The following PNPT1 variants were observed in gnomAD, a reference collection of about 807,000 sequenced individuals.
PNPT1 encodes polyribonucleotide nucleotidyltransferase 1.
Under a neutral mutation model 119.5 loss-of-function variants are expected in PNPT1, and 53 were observed. That is an observed-to-expected ratio of 0.44 (90% CI 0.36 to 0.56). PNPT1 has a LOEUF of 0.56. Among genes scored for constraint, PNPT1 ranks in the 20% least tolerant of loss-of-function variants. PNPT1 has a pLI of 0.00. For synonymous variants in PNPT1, 357 were observed against 322.1 expected (o/e 1.11, Z -1.16); for missense variants, 948 against 938.5 (o/e 1.01, Z -0.13).
chr2:55,649,196 T>C (rs1696094959), intron 18 of PNPT1, among the ~76,000 whole-genome samples: 2 of 152,174 alleles, frequency 1.3e-5, no homozygotes, highest in Admixed American at 6.5e-5. Context: ...CCCAACGCTT[T>C]GGCAGGCCAA....
chr2:55,686,136 ATCT>A (rs932744648), intron 3 of PNPT1, among the ~76,000 whole-genome samples: 7 of 152,202 alleles, frequency 4.6e-5, no homozygotes, highest in African/African-American at 9.7e-5. Flanking sequence ...TGCACTTCCA[ATCT>A]TCTTGTCAAC....
intron 18 of PNPT1, among the ~76,000 whole-genome samples, chr2:55,650,623 A>AGATT (rs1696147095): frequency 6.6e-6 from 1 of 150,874 alleles, no homozygotes; most frequent in South Asian, 2.1e-4. Context: ...GGAAGTGAGG[A>AGATT]GCGTCTCTGC....
chr2:55,680,796 T>C, intron 6 of PNPT1, 37 bp from the exon 7 acceptor site: 1 of 1,612,276 alleles, frequency 6.2e-7, no homozygotes, highest in African/African-American at 1.3e-5. Flanking sequence ...GAAATTAAAA[T>C]TTCATTGCTT....
chr2:55,640,790 G>A lies in PNPT1; in HGVS notation c.2070-85C>T, dbSNP rs370853356. 1.6e-5 allele frequency: 15 copies of A among 965,282 alleles called. No individual in the cohort carries two copies. The East Asian group carries it at 2.0e-4, about 13-fold the overall frequency. 59.8% of individuals were successfully genotyped at this position (965,282 alleles called of 1,614,324 possible). A position where few individuals can be genotyped will look rare whatever the true frequency, so the allele number is the denominator to read the frequency against. ...AAATAAAACATTGTTTTCATATGAG[G>A]AAAAAGTAAAAAACGAAAAGAAACA... On this transcript the variant is annotated intron_variant, in intron 25 of 27. Coordinates refer to ENST00000447944, the MANE Select transcript of PNPT1 (RefSeq NM_033109.5).
In PNPT1 at chr2:55,683,854, C is replaced by T. The variant is rs760134712; in HGVS notation, c.404-20G>A. ...AACGATCTGCCAAAAGAAAAAAAAA[C>T]ACATTAAACCGTACTGACAGAGTTG... is the stretch of plus-strand genomic sequence containing the variant. On this transcript the variant is annotated intron_variant, in intron 4 of 27. Transcript: ENST00000447944. 11 of 1,606,384 alleles carry T rather than the reference C, an allele frequency of 6.8e-6. No individual in the cohort carries two copies. In the Admixed American group the frequency reaches 1.7e-4, roughly 24 times the overall value.
chr2:55,665,200 T>C (rs1022577301), intron 13 of PNPT1, among the ~76,000 whole-genome samples: 5 of 152,116 alleles, frequency 3.3e-5, no homozygotes, highest in East Asian at 1.9e-4. Flanking sequence ...TTGAGAAAAA[T>C]AAAGTATTAG....
At chr2:55,645,306 G>A (rs762452088) in intron 22 of PNPT1, 43 bp downstream of exon 22, 23 of 1,399,046 alleles carry the variant, frequency 1.6e-5, no homozygotes, top group Non-Finnish European at 2.3e-5. Flanking sequence ...TTACAGGCGT[G>A]AGCCACCGCG....
chr2:55,676,025 C>G (rs571904974), intron 8 of PNPT1, among the ~76,000 whole-genome samples: 54 of 152,072 alleles, frequency 3.6e-4, no homozygotes, highest in Non-Finnish European at 6.2e-4. Context: ...CTTTGGGAAG[C>G]TGAGGCAGGT....
chr2:55,669,051 T>C (rs964221072), intron 11 of PNPT1, among the ~76,000 whole-genome samples: 1 of 152,244 alleles, frequency 6.6e-6, no homozygotes, highest in Non-Finnish European at 1.5e-5. Flanking sequence ...AGGCACTTTA[T>C]TGGTTTTTTA....
intron 15 of PNPT1, among the ~76,000 whole-genome samples, chr2:55,658,278 A>C (rs1327062811): frequency 6.6e-6 from 1 of 152,112 alleles, no homozygotes; most frequent in Non-Finnish European, 1.5e-5. Flanking sequence ...TTTAAAGAAA[A>C]AAACAAAACT....
chr2:55,646,795 A>C (rs1696018655), intron 19 of PNPT1, among the ~76,000 whole-genome samples: 1 of 152,204 alleles, frequency 6.6e-6, no homozygotes, highest in Non-Finnish European at 1.5e-5. Context: ...TGCAATACTT[A>C]AGGGTAAGTA....
intron 19 of PNPT1, 66 bp from the exon 20 acceptor site, chr2:55,646,552 G>A (rs1696011216): frequency 1.5e-6 from 2 of 1,333,950 alleles, no homozygotes; most frequent in African/African-American, 1.5e-5. Context: ...ATTCACTGTA[G>A]AAACATTTCA....
In PNPT1 at chr2:55,634,958, T is replaced by A. The variant is rs1214245397; in HGVS notation, c.*1279A>T. ...CAGTAGCTATTCACAGGTATGATTG[T>A]TGCACACTACAGTGTCGAACTTCTG... On this transcript the variant is annotated 3_prime_UTR_variant, in exon 28 of 28. Coordinates refer to ENST00000447944, the MANE Select transcript of PNPT1 (RefSeq NM_033109.5). 6.6e-6 allele frequency: 1 copy of A among 152,194 alleles called. No individual in the cohort carries two copies. Among genetic ancestry groups the A allele is most frequent in the Admixed American group, 6.5e-5 (1 of 15,276 alleles). The allele number at this position is 152,194 out of a possible 1,614,324, so 9.4% of individuals were successfully genotyped here. A position where few individuals can be genotyped will look rare whatever the true frequency, so the allele number is the denominator to read the frequency against.
intron 5 of PNPT1, among the ~76,000 whole-genome samples, 200 bp downstream of exon 5, chr2:55,683,585 C>T (rs917695439): frequency 1.3e-5 from 2 of 148,290 alleles, no homozygotes; most frequent in African/African-American, 5.0e-5. Flanking sequence ...TGCACTCCAG[C>T]CTGGGCGACA....
intron 18 of PNPT1, 70 bp from the exon 19 acceptor site, chr2:55,647,523 T>A (rs911749152): frequency 1.6e-4 from 52 of 316,024 alleles, no homozygotes; most frequent in East Asian, 1.6e-3. Flanking sequence ...TATCTATCAA[T>A]TTTTTTTTTT....
chr2:55,653,444 T>A (rs1004282010), intron 18 of PNPT1, among the ~76,000 whole-genome samples: 4 of 152,316 alleles, frequency 2.6e-5, no homozygotes, highest in Admixed American at 1.3e-4. Flanking sequence ...TATGATGTCA[T>A]CTTTTATTTT....
chr2:55,667,285 C>G (rs1249132517), intron 12 of PNPT1, among the ~76,000 whole-genome samples, 192 bp from the exon 13 acceptor site: 2 of 152,048 alleles, frequency 1.3e-5, no homozygotes, highest in Non-Finnish European at 2.9e-5. Flanking sequence ...AACCTATATT[C>G]CTGTGTTGTT....
rs764557192 is a variant in PNPT1, at chr2:55,647,371, ATCT to A, written c.1575_1577del (p.Glu525del). 1 of 1,608,624 alleles carries A rather than the reference ATCT, an allele frequency of 6.2e-7. No individual in the cohort carries two copies. Among genetic ancestry groups the A allele is most frequent in the Non-Finnish European group, 8.5e-7 (1 of 1,176,860 alleles). On this transcript the variant is annotated inframe_deletion, in exon 19 of 28. Coordinates refer to ENST00000447944, the MANE Select transcript of PNPT1 (RefSeq NM_033109.5). ...CCAAAATATCTGTCAGCAAACGATA[ATCT>A]TCTATTTCACCCTTCTCAGGATCGG...
intron 2 of PNPT1, among the ~76,000 whole-genome samples, chr2:55,686,848 G>A (rs1436011379): frequency 6.6e-6 from 1 of 152,094 alleles, no homozygotes; most frequent in Non-Finnish European, 1.5e-5. Context: ...CACTTAATAC[G>A]GCTGGGCACG....
Sources: gnomAD v4.1 joint callset for allele counts (sites outside exome capture counted in the v4.1 genomes callset) on GRCh38, gnomAD v4.1.1 for gene constraint, MANE v1.5 for transcripts, NCBI Gene and HGNC (gene_info 2026-07-23, HGNC 2026-07-21) for gene names.